FAM217B: variants seen among roughly 807,000 people sequenced by gnomAD.
The protein encoded by FAM217B is protein FAM217B.
For missense variants in FAM217B, 463 were observed against 456.9 expected, an observed-to-expected ratio of 1.01 and a Z score of -0.12; for synonymous variants, 163 against 173.0, an observed-to-expected ratio of 0.94 and a Z score of 0.45.
At chr20:59,939,409 G>A, upstream of FAM217B, 2 of 1,610,708 alleles carry the variant, frequency 1.2e-6, no homozygotes, top group Non-Finnish European at 8.5e-7. Context: ...CACACGAGCT[G>A]CCGCTGCAGG....
In FAM217B at chr20:59,945,427, G is replaced by T. The variant is rs1257399282; in HGVS notation, c.*332G>T. The T allele has an allele frequency of 1.3e-5, 3 of 237,848 alleles. No homozygotes were observed. The highest frequency in any genetic ancestry group is 1.4e-4 in the South Asian group (2 of 14,634). 14.7% of individuals were successfully genotyped at this position (237,848 alleles called of 1,614,324 possible). On this transcript the variant is annotated 3_prime_UTR_variant, in exon 4 of 4. Coordinates refer to ENST00000360816, the MANE Select transcript of FAM217B (RefSeq NM_022106.3). The stretch of plus-strand genomic sequence containing the variant: ...TCAGCTACAGTAGCCGGTCTGTGTA[G>T]AGCAGCTAGTGGTGTTACCTCCCCA...
rs921261170 is a variant in FAM217B, at chr20:59,945,773, T to G, written c.*678T>G. On this transcript the variant is annotated 3_prime_UTR_variant, in exon 4 of 4. Transcript: ENST00000360816. Reference sequence around the variant, plus strand: ...TTGAGGGGCATTTTAAACTTAGAGGTGGTGGTAAAACCTACTTTTGAGTTC... The same window carrying G: ...TTGAGGGGCATTTTAAACTTAGAGGGGGTGGTAAAACCTACTTTTGAGTTC... 1 of 166,864 alleles carries G rather than the reference T, an allele frequency of 6.0e-6. No individual in the cohort carries two copies. Among genetic ancestry groups the G allele is most frequent in the African/African-American group, 2.4e-5 (1 of 41,386 alleles). 10.3% of individuals were successfully genotyped at this position (166,864 alleles called of 1,614,324 possible).
chr20:59,938,795 A>C, upstream of FAM217B: 6 of 362,914 alleles, frequency 1.7e-5, no homozygotes, highest in East Asian at 4.3e-5. Flanking sequence ...ACCCTGCCCC[A>C]ACTCATTACA....
In FAM217B at chr20:59,945,164, T is replaced by G; in HGVS notation, c.*69T>G. On this transcript the variant is annotated 3_prime_UTR_variant, in exon 4 of 4. Transcript: ENST00000360816. ...GTTAGAGCGCTTCCAAAAGTCAAAATACTGTGAATTTTAAGGAATTTTACA... is the reference window on the plus strand; with the variant it reads ...GTTAGAGCGCTTCCAAAAGTCAAAAGACTGTGAATTTTAAGGAATTTTACA... 2 of 1,293,536 alleles carry G rather than the reference T, an allele frequency of 1.5e-6. No individual in the cohort carries two copies. The highest frequency in any genetic ancestry group is 2.1e-6 in the Non-Finnish European group (2 of 958,790). 80.1% of individuals were successfully genotyped at this position (1,293,536 alleles called of 1,614,324 possible). A position where few individuals can be genotyped will look rare whatever the true frequency, so the allele number is the denominator to read the frequency against.
In FAM217B at chr20:59,946,535, AAAAC is replaced by A. The variant is rs1444548225; in HGVS notation, c.*1443_*1446del. 1.2e-5 allele frequency: 2 copies of A among 167,058 alleles called. No homozygotes were observed. The highest frequency in any genetic ancestry group is 2.9e-5 in the Non-Finnish European group (2 of 68,124). The allele number at this position is 167,058 out of a possible 1,614,324, so 10.3% of individuals were successfully genotyped here. ...TCTAATTATACGTATATAATTATAA[AAAAC>A]AATGTGCAAGGGTTATATTTTAAGG... On this transcript the variant is annotated 3_prime_UTR_variant, in exon 4 of 4. Transcript: ENST00000360816.
At chr20:59,942,044 G>A (rs2060908423) in intron 1 of FAM217B, 154 bp from the exon 2 acceptor site, 1 of 152,260 alleles carries the variant, frequency 6.6e-6, no homozygotes, top group African/African-American at 2.4e-5. Flanking sequence ...CCCTTCCCCA[G>A]TATTTCATAA....
In FAM217B at chr20:59,944,081, A is replaced by G. The variant is rs1569008208; in HGVS notation, c.138A>G (p.Glu46=). The G allele has an allele frequency of 1.2e-6, 2 of 1,614,120 alleles. No homozygotes were observed. The highest frequency in any genetic ancestry group is 2.7e-5 in the African/African-American group (2 of 74,940). The change falls in exon 4 of 4, where the codon GAA becomes GAG. Residue 46 remains glutamate, a synonymous_variant. Coordinates refer to ENST00000360816, the MANE Select transcript of FAM217B (RefSeq NM_022106.3). ...CAGCTGTCACCCAGCCTACTGAAGA[A>G]AAACTTAAAGAAAGCATTTCCCCGG... ...SLTAVTQPTE[E]KLKESISPEA... is the part of the protein sequence containing the mutation.
At position 59,946,792 on chromosome 20, in the gene FAM217B, T is replaced by C. The variant is rs116254636; in HGVS notation, c.*1697T>C. On this transcript the variant is annotated 3_prime_UTR_variant, in exon 4 of 4. Coordinates refer to ENST00000360816, the MANE Select transcript of FAM217B (RefSeq NM_022106.3). ...AGTATTACTTCCGTAGTCCTCAAATTTACTATAACTTTTGTACTTAGTATA... is the reference window on the plus strand; with the variant it reads ...AGTATTACTTCCGTAGTCCTCAAATCTACTATAACTTTTGTACTTAGTATA... 3 of 167,058 alleles carry C rather than the reference T, an allele frequency of 1.8e-5. No homozygotes were observed. Among genetic ancestry groups the C allele is most frequent in the African/African-American group, 7.2e-5 (3 of 41,426 alleles). The allele number at this position is 167,058 out of a possible 1,614,324, so 10.3% of individuals were successfully genotyped here. A position where few individuals can be genotyped will look rare whatever the true frequency, so the allele number is the denominator to read the frequency against.
intron 1 of FAM217B, among the ~76,000 whole-genome samples, chr20:59,934,034 A>G (rs1002320486): frequency 2.0e-5 from 3 of 152,084 alleles, no homozygotes; most frequent in Admixed American, 6.5e-5. Context: ...GGGCGGGACC[A>G]GGAGAAGCCC....
chr20:59,939,262 G>A (rs766140270), upstream of FAM217B: 8 of 1,611,464 alleles, frequency 5.0e-6, no homozygotes, highest in African/African-American at 1.1e-4. Flanking sequence ...GCGGGCCCGC[G>A]CCACCGCGCC....
At chr20:59,939,816 C>T (rs1189717233), upstream of FAM217B, 4 of 1,235,076 alleles carry the variant, frequency 3.2e-6, no homozygotes, top group Non-Finnish European at 3.0e-6. Flanking sequence ...CCTACAGGCC[C>T]GCGGCTCCAG....
chr20:59,939,506 G>C (rs763673526), upstream of FAM217B: 2 of 1,612,082 alleles, frequency 1.2e-6, no homozygotes, highest in Admixed American at 3.3e-5. Flanking sequence ...GGCTGCTGCA[G>C]CACAGGTCCG....
chr20:59,946,840 A>G lies in FAM217B; in HGVS notation c.*1745A>G, dbSNP rs1272145149. 1 of 167,066 alleles carries G rather than the reference A, an allele frequency of 6.0e-6. No individual in the cohort carries two copies. The highest frequency in any genetic ancestry group is 1.5e-5 in the Non-Finnish European group (1 of 68,122). 10.3% of individuals were successfully genotyped at this position (167,066 alleles called of 1,614,324 possible). A position where few individuals can be genotyped will look rare whatever the true frequency, so the allele number is the denominator to read the frequency against. ...ATATGTTTTATATTTGGAAAACAGCACTACGCTTAGTTTTCCTGTAGTTCC... is the reference window on the plus strand; with the variant it reads ...ATATGTTTTATATTTGGAAAACAGCGCTACGCTTAGTTTTCCTGTAGTTCC... On this transcript the variant is annotated 3_prime_UTR_variant, in exon 4 of 4. Coordinates refer to ENST00000360816, the MANE Select transcript of FAM217B (RefSeq NM_022106.3).
Position 59,948,017 on chromosome 20 carries a change from T to TAAAAAAAAAAA in FAM217B, c.*2926_*2927insAAAAAAAAAAA, listed in dbSNP as rs2060947069. 7.7e-6 allele frequency: 1 copy of TAAAAAAAAAAA among 129,362 alleles called. No homozygotes were observed. 8.0% of individuals were successfully genotyped at this position (129,362 alleles called of 1,614,324 possible). A position where few individuals can be genotyped will look rare whatever the true frequency, so the allele number is the denominator to read the frequency against. The stretch of plus-strand genomic sequence containing the variant: ...ACATATACCCTGCATTTAAACCAAT[T>TAAAAAAAAAAA]AAAACAATCCAAGTTTCTTTAAAAA... On this transcript the variant is annotated 3_prime_UTR_variant, in exon 4 of 4. Coordinates refer to ENST00000360816, the MANE Select transcript of FAM217B (RefSeq NM_022106.3).
At chr20:59,939,464 C>T, upstream of FAM217B, 1 of 1,611,992 alleles carries the variant, frequency 6.2e-7, no homozygotes, top group Non-Finnish European at 8.5e-7. Flanking sequence ...GGAAATCGGG[C>T]ACCAGGCAAT....
chr20:59,939,683 C>T (rs747882925), upstream of FAM217B: 3 of 1,435,244 alleles, frequency 2.1e-6, no homozygotes, highest in Middle Eastern at 2.2e-4. Context: ...CCGCGGCCTT[C>T]TGGCGGCGCT....
At chr20:59,936,912 A>T (rs1326908237), upstream of FAM217B, 1 of 152,570 alleles carries the variant, frequency 6.6e-6, no homozygotes, top group Non-Finnish European at 1.5e-5. Flanking sequence ...TGGGGGGACA[A>T]CCCAGCAATT....
chr20:59,944,593 C>T lies in FAM217B; in HGVS notation c.650C>T (p.Ala217Val). 6.2e-6 allele frequency: 10 copies of T among 1,613,986 alleles called. No individual in the cohort carries two copies. Among genetic ancestry groups the T allele is most frequent in the Non-Finnish European group, 8.5e-6 (10 of 1,180,006 alleles). ...CCCACTGCCCCTGGGACCTCAGGGGCACTGAAAAGCCCTGGGAGAAGTAAG... is the reference window on the plus strand; with the variant it reads ...CCCACTGCCCCTGGGACCTCAGGGGTACTGAAAAGCCCTGGGAGAAGTAAG... ...RPPTAPGTSG[A>V]LKSPGRSKLI... The change falls in exon 4 of 4, where the codon GCA becomes GTA. Residue 217 changes from alanine (A) to valine (V), a missense_variant. Ala to Val is a moderately conservative substitution (Grantham distance 64). Coordinates refer to ENST00000360816, the MANE Select transcript of FAM217B (RefSeq NM_022106.3).
intron 3 of FAM217B, among the ~76,000 whole-genome samples, chr20:59,943,273 G>C (rs1437582447): frequency 2.6e-5 from 4 of 152,048 alleles, no homozygotes; most frequent in Admixed American, 6.5e-5. Flanking sequence ...AAGACCCTGT[G>C]TTTTCATTCA....
Sources: gnomAD v4.1 joint callset for allele counts (sites outside exome capture counted in the v4.1 genomes callset) on GRCh38, gnomAD v4.1.1 for gene constraint, MANE v1.5 for transcripts, NCBI Gene and HGNC (gene_info 2026-07-23, HGNC 2026-07-21) for gene names.